Variants in GRID2 observed in about 807,000 individuals in gnomAD.
GRID2 encodes the protein glutamate ionotropic receptor delta type subunit 2.
Under a neutral mutation model 114.8 loss-of-function variants are expected in GRID2, and 33 were observed. That is an observed-to-expected ratio of 0.29 (90% CI 0.22 to 0.38). The LOEUF is 0.38. Ranked by LOEUF, GRID2 falls within the 10% of genes least tolerant of loss-of-function variation. The pLI is 1.00. For missense variants in GRID2, 1,184 were observed against 1,257.7 expected (o/e 0.94, Z 0.89); for synonymous variants, 505 against 449.9 (o/e 1.12, Z -1.55).
intron 1 of GRID2, among the ~76,000 whole-genome samples, chr4:92,384,110 T>C (rs1729750868): frequency 6.6e-6 from 1 of 151,472 alleles, no homozygotes; most frequent in Non-Finnish European, 1.5e-5. Flanking sequence ...AATATTCTAA[T>C]TTGGCAGTGT....
At chr4:92,680,524 G>T (rs1733601744) in intron 2 of GRID2, among the ~76,000 whole-genome samples, 4 of 152,130 alleles carry the variant, frequency 2.6e-5, no homozygotes. Context: ...AAGAAAGGGG[G>T]TAATTTTCAT....
At chr4:92,876,845 C>G (rs1393291535) in intron 2 of GRID2, among the ~76,000 whole-genome samples, 1 of 152,006 alleles carries the variant, frequency 6.6e-6, no homozygotes, top group East Asian at 1.9e-4. Flanking sequence ...GGACTGTAAG[C>G]CATGCTTTGA....
intron 2 of GRID2, among the ~76,000 whole-genome samples, chr4:92,967,679 A>G (rs1753243899): frequency 6.6e-6 from 1 of 151,948 alleles, no homozygotes; most frequent in Non-Finnish European, 1.5e-5. Context: ...TTCTATAATG[A>G]AAATAAAGAT....
chr4:92,772,277 C>A (rs561716301), intron 2 of GRID2, among the ~76,000 whole-genome samples: 2 of 152,116 alleles, frequency 1.3e-5, no homozygotes, highest in African/African-American at 4.8e-5. Flanking sequence ...TGGAGCCAGA[C>A]CAAAGTTTAT....
intron 2 of GRID2, among the ~76,000 whole-genome samples, chr4:92,717,234 CATAAGGCA>C (rs1735595013): frequency 6.6e-6 from 1 of 152,152 alleles, no homozygotes; most frequent in Non-Finnish European, 1.5e-5. Context: ...CTGAGACTAT[CATAAGGCA>C]ATACTTCCAA....
chr4:92,766,018 G>T (rs1054052578), intron 2 of GRID2, among the ~76,000 whole-genome samples: 1 of 147,862 alleles, frequency 6.8e-6, no homozygotes, highest in Admixed American at 6.6e-5. Flanking sequence ...GATCCGATTT[G>T]CATACTGATT....
At chr4:92,752,287 T>C (rs1737492881) in intron 2 of GRID2, among the ~76,000 whole-genome samples, 1 of 152,202 alleles carries the variant, frequency 6.6e-6, no homozygotes, top group African/African-American at 2.4e-5. Flanking sequence ...TAGTATTTCT[T>C]GTTTCAAACA....
intron 8 of GRID2, among the ~76,000 whole-genome samples, chr4:93,292,628 C>T (rs1753867590): frequency 6.6e-6 from 1 of 152,142 alleles, no homozygotes; most frequent in Non-Finnish European, 1.5e-5. Context: ...TCCATTCTTG[C>T]CACCAAACTG....
At chr4:92,329,993 A>AAGAGAGAGAGAGAGAGAGAGAGAGAG (rs3076580) in intron 1 of GRID2, among the ~76,000 whole-genome samples, 38 of 132,578 alleles carry the variant, frequency 2.9e-4, no homozygotes, top group African/African-American at 1.0e-3. Flanking sequence ...TATGGGAGGA[A>AAGAGAGAGAGAGAGAGAGAGAGAGAG]AGAGAGAGAG....
chr4:92,861,143 T>C (rs896462801), intron 2 of GRID2, among the ~76,000 whole-genome samples: 1 of 152,098 alleles, frequency 6.6e-6, no homozygotes, highest in Non-Finnish European at 1.5e-5. Flanking sequence ...CATTACTGTC[T>C]ACATCTATAT....
Position 92,789,094 on chromosome 4 carries a change from T to C in GRID2, c.244+198808T>C, listed in dbSNP as rs566027567. ...TTCTGGATTTGTGGTTATTTTCTAT[T>C]AGCATTTAGAAGATATTATTTCAGT... is the stretch of plus-strand genomic sequence containing the variant. On this transcript the variant is annotated intron_variant, in intron 2 of 15. Transcript: ENST00000282020. Among the ~76,000 whole-genome samples, 15 of 152,048 alleles carry C rather than the reference T, an allele frequency of 9.9e-5. No individual in the cohort carries two copies. The South Asian group carries it at 3.1e-3, about 31-fold the overall frequency.
chr4:93,082,634 C>T (rs62308204), intron 2 of GRID2, among the ~76,000 whole-genome samples: 9,334 of 152,176 alleles, frequency 0.061, 576 homozygotes, highest in African/African-American at 0.16. Context: ...TTGGACTGCA[C>T]GATCTCTAAA....
At chr4:93,415,264 A>G (rs1240654524) in intron 9 of GRID2, among the ~76,000 whole-genome samples, 1 of 152,096 alleles carries the variant, frequency 6.6e-6, no homozygotes, top group Non-Finnish European at 1.5e-5. Flanking sequence ...TTTCTTTAAG[A>G]TAACTGCACT....
At chr4:93,287,212 G>A (rs1753274422) in intron 8 of GRID2, among the ~76,000 whole-genome samples, 2 of 152,104 alleles carry the variant, frequency 1.3e-5, no homozygotes, top group African/African-American at 4.8e-5. Flanking sequence ...GAGTTGTAAA[G>A]GCTTATGAAG....
chr4:93,287,043 T>G (rs1753250929), intron 8 of GRID2, among the ~76,000 whole-genome samples: 1 of 152,116 alleles, frequency 6.6e-6, no homozygotes. Flanking sequence ...CCCAGCGTTA[T>G]CCTTCAATCA....
intron 2 of GRID2, among the ~76,000 whole-genome samples, chr4:92,764,216 G>T (rs1395322962): frequency 6.6e-6 from 1 of 152,142 alleles, no homozygotes; most frequent in Non-Finnish European, 1.5e-5. Context: ...TGGTTGGAGG[G>T]AGGCTGGCAA....
At chr4:93,298,952 T>C (rs1407530384) in intron 8 of GRID2, among the ~76,000 whole-genome samples, 2 of 152,218 alleles carry the variant, frequency 1.3e-5, no homozygotes, top group Non-Finnish European at 2.9e-5. Flanking sequence ...ATGAGATTAA[T>C]GGGTAATATG....
At chr4:92,530,649 C>T (rs1034372129) in intron 1 of GRID2, among the ~76,000 whole-genome samples, 2 of 151,176 alleles carry the variant, frequency 1.3e-5, no homozygotes, top group Non-Finnish European at 2.9e-5. Context: ...TTCCTGTAAT[C>T]CCAGTACATT....
chr4:93,295,884 C>T (rs372582756), intron 8 of GRID2, among the ~76,000 whole-genome samples: 29 of 152,340 alleles, frequency 1.9e-4, no homozygotes, highest in African/African-American at 5.8e-4. Context: ...TGATCAACCA[C>T]GTCAGATAGC....
Sources: allele counts gnomAD v4.1 joint callset (sites outside exome capture counted in the v4.1 genomes callset), GRCh38; gene constraint gnomAD v4.1.1; transcripts MANE v1.5; gene names NCBI Gene and HGNC (gene_info 2026-07-23, HGNC 2026-07-21).